Variants in MAU2 observed in about 807,000 individuals in gnomAD.
MAU2 encodes the protein MAU2 chromatid cohesion factor homolog.
Under a neutral mutation model 89.1 loss-of-function variants are expected in MAU2, and 9 were observed. The observed-to-expected ratio is 0.10, with a 90% CI of 0.06 to 0.18. The LOEUF (loss-of-function observed/expected upper bound fraction) is 0.18, where lower values mean the gene tolerates loss of function less well. MAU2 is among the 10% of genes least tolerant of loss of function. The pLI is 1.00. For missense variants in MAU2, 425 were observed against 803.5 expected (o/e 0.53, Z 5.69); for synonymous variants, 357 against 343.4 (o/e 1.04, Z -0.44).
rs1568662960 is a variant in MAU2, at chr19:19,345,020, C to G, written c.1155+94C>G. On this transcript the variant is annotated intron_variant, in intron 11 of 18. Coordinates refer to ENST00000262815, the MANE Select transcript of MAU2 (RefSeq NM_015329.4). This position sits in a 1 kb window ranked among gnomAD's most constrained non-coding sequence, Gnocchi z 4.9. ...TCCAGAACATTCCCAGTGAAGGACC[C>G]CCTGACAGCACCCTAATCAGAATCC... 7 of 1,119,280 alleles carry G rather than the reference C, an allele frequency of 6.3e-6. No individual in the cohort carries two copies. Among genetic ancestry groups the G allele is most frequent in the Non-Finnish European group, 8.0e-6 (6 of 753,500 alleles). The allele number at this position is 1,119,280 out of a possible 1,614,324, so 69.3% of individuals were successfully genotyped here. A position where few individuals can be genotyped will look rare whatever the true frequency, so the allele number is the denominator to read the frequency against.
rs922403534 is a variant in MAU2, at chr19:19,348,901, C to T, written c.1321C>T (p.Leu441=). 22 of 1,613,864 alleles carry T rather than the reference C, an allele frequency of 1.4e-5. No homozygotes were observed. Among genetic ancestry groups the T allele is most frequent in the Non-Finnish European group, 1.5e-5 (18 of 1,180,022 alleles). ...NRHQEVLYSL[L]ERINPDHSFP... ...CTTTCCCCCGCAGCTCTACAGTCTG[C>T]TGGAGAGGATCAACCCGGACCACAG... is the stretch of plus-strand genomic sequence containing the variant. The change falls in exon 14 of 19, where the codon CTG becomes TTG. Residue 441 remains leucine (L), a synonymous_variant. Transcript: ENST00000262815.
Position 19,326,691 on chromosome 19 carries a change from AATATAT to A in MAU2, c.276+5561_276+5566del, listed in dbSNP as rs1046515033. ...AAAGAGCGAGACTGTCTCAAAAAAA[AATATAT>A]ATATGTATATATATATATATATACA... is the stretch of plus-strand genomic sequence containing the variant. On this transcript the variant is annotated intron_variant, in intron 1 of 18. Transcript: ENST00000262815. Among the ~76,000 whole-genome samples, 57 of 109,448 alleles carry A rather than the reference AATATAT, an allele frequency of 5.2e-4. 1 individual carries two copies. Among genetic ancestry groups the A allele is most frequent in the African/African-American group, 1.7e-3 (55 of 31,902 alleles). 71.8% of individuals were successfully genotyped at this position (109,448 alleles called of 152,430 possible).
Position 19,345,487 on chromosome 19 carries a change from C to A in MAU2, c.1221+118C>A, listed in dbSNP as rs2061685926. 1 of 952,878 alleles carries A rather than the reference C, an allele frequency of 1.0e-6. No individual in the cohort carries two copies. Among genetic ancestry groups the A allele is most frequent in the Non-Finnish European group, 1.7e-6 (1 of 604,632 alleles). The allele number at this position is 952,878 out of a possible 1,614,324, so 59.0% of individuals were successfully genotyped here. On this transcript the variant is annotated intron_variant, in intron 12 of 18. Transcript: ENST00000262815. The surrounding 1 kb of genome is among the most constrained non-coding windows in gnomAD (Gnocchi z 4.9). ...GGTCAGCTATGCAAAGCCGCAGCCC[C>A]AGAGGCAATGCACAGTAGTCAGCCC...
chr19:19,327,094 A>AG (rs1486681951), intron 1 of MAU2, among the ~76,000 whole-genome samples: 1 of 147,000 alleles, frequency 6.8e-6, no homozygotes, highest in Admixed American at 6.8e-5. Flanking sequence ...TACAGGTGTG[A>AG]GCCACCACAC....
At chr19:19,335,683 C>T (rs758627297) in intron 1 of MAU2, 35 bp from the exon 2 acceptor site, 1 of 1,613,514 alleles carries the variant, frequency 6.2e-7, no homozygotes, top group Non-Finnish European at 8.5e-7. Context: ...CAGGTGTTTG[C>T]CTGAGAATTA....
intron 6 of MAU2, 36 bp downstream of exon 6, chr19:19,340,909 T>C: frequency 6.2e-7 from 1 of 1,611,886 alleles, no homozygotes; most frequent in Non-Finnish European, 8.5e-7. Flanking sequence ...ATGCAGCTGG[T>C]GTTGTGGAGG....
At chr19:19,344,565 C>T (rs1217210012) in intron 10 of MAU2, 2 of 527,934 alleles carry the variant, frequency 3.8e-6, no homozygotes, top group Admixed American at 6.4e-5. Flanking sequence ...CAGTACCCAC[C>T]CTCCTGAGAG....
intron 17 of MAU2, among the ~76,000 whole-genome samples, chr19:19,354,932 C>A (rs932289094): frequency 4.6e-5 from 7 of 152,164 alleles, no homozygotes; most frequent in African/African-American, 1.7e-4. Flanking sequence ...GTGCAGTGGG[C>A]TGCCTGGGGC....
At chr19:19,352,353 C>G (rs964571919) in intron 16 of MAU2, 2 of 152,144 alleles carry the variant, frequency 1.3e-5, no homozygotes, top group Admixed American at 1.3e-4. Flanking sequence ...TGTTAACAAA[C>G]GTGGTGCCCG....
intron 1 of MAU2, among the ~76,000 whole-genome samples, chr19:19,333,908 G>A (rs2061576304): frequency 6.6e-6 from 1 of 152,180 alleles, no homozygotes; most frequent in South Asian, 2.1e-4. Context: ...TGTGTCTGAA[G>A]AGCTCCCCCT....
At position 19,347,438 on chromosome 19, in the gene MAU2, C is replaced by T. The variant is rs1281027554; in HGVS notation, c.1308+72C>T. 1.8e-5 allele frequency: 22 copies of T among 1,252,270 alleles called. No individual in the cohort carries two copies. In the South Asian group the frequency reaches 2.2e-4, roughly 13 times the overall value. The allele number at this position is 1,252,270 out of a possible 1,614,324, so 77.6% of individuals were successfully genotyped here. ...CTTTTTGGGGAACCAGGGGGTTGTC[C>T]TGGGCACCAGCACATCTCAGCAGAC... On this transcript the variant is annotated intron_variant, in intron 13 of 18. Coordinates refer to ENST00000262815, the MANE Select transcript of MAU2 (RefSeq NM_015329.4).
intron 13 of MAU2, 119 bp downstream of exon 13, chr19:19,347,485 G>A (rs1356168169): frequency 8.2e-6 from 6 of 736,064 alleles, no homozygotes; most frequent in Non-Finnish European, 1.4e-5. Context: ...CACCTTTTGA[G>A]GGATGGGCGG....
intron 5 of MAU2, among the ~76,000 whole-genome samples, 155 bp downstream of exon 5, chr19:19,339,094 C>T (rs1056577734): frequency 1.3e-5 from 2 of 152,206 alleles, no homozygotes; most frequent in African/African-American, 4.8e-5. Context: ...AGGAGGATCA[C>T]TTGAGCCCAG....
At chr19:19,353,301 C>T (rs142012457) in intron 16 of MAU2, 2 of 152,228 alleles carry the variant, frequency 1.3e-5, no homozygotes, top group African/African-American at 4.8e-5. Context: ...GACAGAGGTC[C>T]TTGGCTTTCT....
At chr19:19,321,529 G>T (rs557829580) in intron 1 of MAU2, 53 of 170,084 alleles carry the variant, frequency 3.1e-4, no homozygotes, top group Middle Eastern at 2.7e-3. Flanking sequence ...CGGAGCATCA[G>T]CCCCAAACGC....
At chr19:19,334,203 G>A in intron 1 of MAU2, 1 of 984,308 alleles carries the variant, frequency 1.0e-6, no homozygotes, top group Non-Finnish European at 1.2e-6. Flanking sequence ...CACCTCTGGG[G>A]CCACACTTCT....
chr19:19,324,130 G>C (rs1201261822), intron 1 of MAU2, among the ~76,000 whole-genome samples: 1 of 152,240 alleles, frequency 6.6e-6, no homozygotes, highest in East Asian at 1.9e-4. Flanking sequence ...TATAGTAAGA[G>C]GTTAGGCAGT....
Position 19,344,937 on chromosome 19 carries a change from C to T in MAU2, c.1155+11C>T, listed in dbSNP as rs60890167. On this transcript the variant is annotated intron_variant, in intron 11 of 18. Transcript: ENST00000262815. ...CTGCACACATTGCTGGTGAGTAACC[C>T]TGTGACAACACCCCGGGAGAATCCA... 397 of 1,612,542 alleles carry T rather than the reference C, an allele frequency of 2.5e-4. 6 individuals carry two copies. The South Asian group carries it at 3.1e-3, about 12-fold the overall frequency.
At chr19:19,335,115 T>G (rs992989083) in intron 1 of MAU2, among the ~76,000 whole-genome samples, 1 of 152,210 alleles carries the variant, frequency 6.6e-6, no homozygotes, top group Non-Finnish European at 1.5e-5. Flanking sequence ...TTGTCTGAAC[T>G]GCCTTCCTGG....
Sources: gnomAD v4.1 joint callset for allele counts (sites outside exome capture counted in the v4.1 genomes callset) on GRCh38, gnomAD v4.1.1 for gene constraint, Gnocchi (gnomAD v3.1) non-coding constraint, MANE v1.5 for transcripts, NCBI Gene and HGNC (gene_info 2026-07-23, HGNC 2026-07-21) for gene names.